SETD5: variants seen among roughly 807,000 people sequenced by gnomAD.
The protein encoded by SETD5 is histone-lysine N-methyltransferase SETD5.
Under a neutral mutation model 153.3 loss-of-function variants are expected in SETD5, and 44 were observed. That is an observed-to-expected ratio of 0.29 (90% CI 0.23 to 0.37). The LOEUF (loss-of-function observed/expected upper bound fraction) is 0.37. Ranked by LOEUF, SETD5 falls within the 10% of genes least tolerant of loss-of-function variation. The pLI, the probability that SETD5 is intolerant of heterozygous loss-of-function variation, is 1.00. For missense variants in SETD5, 1,544 were observed against 1,768.0 expected, an observed-to-expected ratio of 0.87 and a Z score of 2.27; for synonymous variants, 716 against 645.2, an observed-to-expected ratio of 1.11 and a Z score of -1.66.
chr3:9,399,234 G>T (rs1308333852), intron 1 of SETD5, among the ~76,000 whole-genome samples: 1 of 152,206 alleles, frequency 6.6e-6, no homozygotes, highest in Non-Finnish European at 1.5e-5. Flanking sequence ...CCAGCTGAGT[G>T]GAGTGTGCTG....
At chr3:9,443,273 T>C (rs2041533871) in intron 10 of SETD5, 35 bp from the exon 11 acceptor site, 1 of 1,484,084 alleles carries the variant, frequency 6.7e-7, no homozygotes, top group Non-Finnish European at 9.2e-7. Context: ...TTCATGGTCT[T>C]TATGAAAAAT....
intron 11 of SETD5, among the ~76,000 whole-genome samples, chr3:9,444,500 A>G (rs962472598): frequency 5.3e-5 from 8 of 152,154 alleles, no homozygotes; most frequent in Admixed American, 2.6e-4. Context: ...TAAATAGCCA[A>G]TAAACCACTG....
At position 9,473,272 on chromosome 3, in the gene SETD5, G is replaced by A. The variant is rs767946162; in HGVS notation, c.3232G>A (p.Ala1078Thr). The change falls in exon 20 of 23, where the codon GCT becomes ACT. Residue 1078 changes from alanine to threonine, a missense_variant. Coordinates refer to ENST00000402198, the MANE Select transcript of SETD5 (RefSeq NM_001080517.3). ...GGAGTACCGAAAACGGAAACAAGAA[G>A]CTAAGGAAAATTCTGCTGGTGGGGG... Reference protein sequence around the residue: ...LLEYRKRKQEAKENSAGGGGD... With the variant: ...LLEYRKRKQETKENSAGGGGD... 2 of 1,613,800 alleles carry A rather than the reference G, an allele frequency of 1.2e-6. No individual in the cohort carries two copies. Among genetic ancestry groups the A allele is most frequent in the Admixed American group, 1.7e-5 (1 of 60,026 alleles).
At chr3:9,435,986 T>C (rs2040518077) in intron 7 of SETD5, 80 bp downstream of exon 7, 1 of 1,354,058 alleles carries the variant, frequency 7.4e-7, no homozygotes, top group Non-Finnish European at 1.0e-6. Flanking sequence ...CAAAATTCTT[T>C]TAAGAAGTTT....
Position 9,464,899 on chromosome 3 carries a change from A to G in SETD5, c.2724+227A>G. The G allele has an allele frequency of 5.1e-6, 3 of 584,322 alleles. 1 individual carries two copies. In the South Asian group the frequency reaches 6.0e-5, roughly 12 times the overall value. The allele number at this position is 584,322 out of a possible 1,614,324, so 36.2% of individuals were successfully genotyped here. A position where few individuals can be genotyped will look rare whatever the true frequency, so the allele number is the denominator to read the frequency against. On this transcript the variant is annotated intron_variant, in intron 18 of 22. Coordinates refer to ENST00000402198, the MANE Select transcript of SETD5 (RefSeq NM_001080517.3). Reference sequence around the variant, plus strand: ...CATACTGCTACCACAAATCCCATTCATGTATCTTTTGCATGCAGTCCATCA... The same window carrying G: ...CATACTGCTACCACAAATCCCATTCGTGTATCTTTTGCATGCAGTCCATCA...
chr3:9,459,334 G>C (rs1267718856), intron 17 of SETD5, among the ~76,000 whole-genome samples: 1 of 152,128 alleles, frequency 6.6e-6, no homozygotes, highest in African/African-American at 2.4e-5. Context: ...GCACATACTT[G>C]TAATGGAGTA....
At position 9,448,369 on chromosome 3, in the gene SETD5, G is replaced by C; in HGVS notation, c.2104-19G>C. ...GCTACCTCTTGATTTATAAACTAAT[G>C]ATCTCTTTTTTACCTTAGTATCTAG... On this transcript the variant is annotated intron_variant, in intron 15 of 22. Transcript: ENST00000402198. 6 of 1,611,606 alleles carry C rather than the reference G, an allele frequency of 3.7e-6. No individual in the cohort carries two copies. The highest frequency in any genetic ancestry group is 5.1e-6 in the Non-Finnish European group (6 of 1,178,458).
chr3:9,414,395 GTGTTGT>G (rs201508429), intron 1 of SETD5, among the ~76,000 whole-genome samples: 1,544 of 152,256 alleles, frequency 0.01, 21 homozygotes, highest in African/African-American at 0.034. Flanking sequence ...GTGTGTGTGT[GTGTTGT>G]TGTTGTTAAG....
chr3:9,440,393 C>G, intron 7 of SETD5, 63 bp from the exon 8 acceptor site: 1 of 870,960 alleles, frequency 1.1e-6, no homozygotes, highest in South Asian at 1.5e-5. Context: ...TTGTCCCACC[C>G]CCATTCCCAA....
At chr3:9,455,160 CTTTT>C (rs1022132998) in intron 17 of SETD5, among the ~76,000 whole-genome samples, 4 of 115,464 alleles carry the variant, frequency 3.5e-5, no homozygotes, top group Non-Finnish European at 7.2e-5. Context: ...GCCTTTTTTT[CTTTT>C]TTTCTTTTTT....
chr3:9,420,495 G>A (rs1304097608), intron 1 of SETD5, among the ~76,000 whole-genome samples: 1 of 152,096 alleles, frequency 6.6e-6, no homozygotes, highest in Non-Finnish European at 1.5e-5. Flanking sequence ...CTCCTAGAGG[G>A]AGTATAAATT....
intron 1 of SETD5, among the ~76,000 whole-genome samples, chr3:9,415,572 A>AT (rs1334890171): frequency 9.9e-5 from 15 of 151,936 alleles, no homozygotes; most frequent in Non-Finnish European, 1.8e-4. Flanking sequence ...CATTGCTGTT[A>AT]TTTTATTATT....
chr3:9,435,012 A>T (rs151025056), intron 6 of SETD5, 130 bp downstream of exon 6: 119 of 992,704 alleles, frequency 1.2e-4, no homozygotes, highest in Non-Finnish European at 1.6e-4. Flanking sequence ...AGGGAGGCCA[A>T]AGCGGGCGGA....
chr3:9,436,805 G>C (rs1474907615), intron 7 of SETD5: 1 of 1,526,720 alleles, frequency 6.5e-7, no homozygotes, highest in Non-Finnish European at 8.9e-7. Flanking sequence ...TGTCATTCTT[G>C]GTACCAAGTT....
chr3:9,473,138 C>G (rs1559492844), intron 19 of SETD5, 98 bp from the exon 20 acceptor site: 3 of 1,409,906 alleles, frequency 2.1e-6, no homozygotes, highest in African/African-American at 1.4e-5. Flanking sequence ...TAGTGGTTTA[C>G]TAAGGTACCA....
intron 1 of SETD5, among the ~76,000 whole-genome samples, chr3:9,398,914 C>T (rs1211777879): frequency 6.6e-6 from 1 of 152,202 alleles, no homozygotes; most frequent in Non-Finnish European, 1.5e-5. Context: ...GCAGTCAGCT[C>T]TGCTGGTCTG....
At chr3:9,419,481 G>A (rs927056227) in intron 1 of SETD5, among the ~76,000 whole-genome samples, 11 of 152,078 alleles carry the variant, frequency 7.2e-5, no homozygotes, top group African/African-American at 4.8e-5. Flanking sequence ...TGAGAGGATC[G>A]CTTGAGCCCA....
chr3:9,464,786 CAGTA>C (rs1323760300), intron 18 of SETD5, 114 bp downstream of exon 18: 3 of 1,531,566 alleles, frequency 2.0e-6, no homozygotes, highest in Non-Finnish European at 1.8e-6. Context: ...TTCCCCATCT[CAGTA>C]AGAGAATGGG....
At chr3:9,422,086 C>T (rs1575289012) in intron 1 of SETD5, among the ~76,000 whole-genome samples, 1 of 151,888 alleles carries the variant, frequency 6.6e-6, no homozygotes, top group African/African-American at 2.4e-5. Flanking sequence ...AAACCTGATA[C>T]CAAAACTTCT....
Sources: gnomAD v4.1 joint callset for allele counts (sites outside exome capture counted in the v4.1 genomes callset) on GRCh38, gnomAD v4.1.1 for gene constraint, MANE v1.5 for transcripts, NCBI Gene and HGNC (gene_info 2026-07-23, HGNC 2026-07-21) for gene names.